The following SUMF1 variants were observed in gnomAD, a reference collection of about 807,000 sequenced individuals.
SUMF1 encodes the protein formylglycine-generating enzyme.
Under a neutral mutation model 47.6 loss-of-function variants are expected in SUMF1, and 48 were observed. That is an observed-to-expected ratio of 1.01 (90% CI 0.80 to 1.28). SUMF1 has a LOEUF of 1.28. Among genes scored for constraint, SUMF1 ranks in the 50% most tolerant of loss-of-function variants. The pLI is 0.00. For missense variants in SUMF1, 571 were observed against 485.4 expected, an observed-to-expected ratio of 1.18 and a Z score of -1.66; for synonymous variants, 230 against 192.1, an observed-to-expected ratio of 1.20 and a Z score of -1.63.
chr3:4,241,714 T>C (rs192403901), intron 8 of SUMF1, among the ~76,000 whole-genome samples: 39 of 152,240 alleles, frequency 2.6e-4, no homozygotes, highest in African/African-American at 8.2e-4. Flanking sequence ...ACCAAGGGAA[T>C]TGAGGAAACA....
At chr3:4,258,174 G>C (rs1158318298) in intron 8 of SUMF1, among the ~76,000 whole-genome samples, 2 of 149,712 alleles carry the variant, frequency 1.3e-5, no homozygotes, top group South Asian at 2.1e-4. Flanking sequence ...AGAAAACCTA[G>C]GCATTACCAT....
At chr3:4,221,889 G>A (rs1283693034) in intron 8 of SUMF1, among the ~76,000 whole-genome samples, 4 of 152,004 alleles carry the variant, frequency 2.6e-5, no homozygotes, top group South Asian at 2.1e-4. Context: ...AATAATTGCT[G>A]GGGGGTAGAA....
rs200461780 is a variant in SUMF1, at chr3:4,217,513, T to TATATATATA, written c.1015-148769_1015-148768insTATATATAT. Among the ~76,000 whole-genome samples, 3 of 72,646 alleles carry TATATATATA rather than the reference T, an allele frequency of 4.1e-5. 1 individual carries two copies. The highest frequency in any genetic ancestry group is 1.6e-4 in the African/African-American group (2 of 12,250). The allele number at this position is 72,646 out of a possible 152,430, so 47.7% of individuals were successfully genotyped here. On this transcript the variant is annotated intron_variant and NMD_transcript_variant, in intron 8 of 12. Coordinates refer to the SUMF1 transcript ENST00000448413. ...ATGTATCCCAGAACTTAAAGTATTTTTTATATATATATATATATATATATA... is the reference window on the plus strand; with the variant it reads ...ATGTATCCCAGAACTTAAAGTATTTTATATATATATTATATATATATATATATATATATA...
chr3:4,217,995 C>T (rs558394708), intron 8 of SUMF1, among the ~76,000 whole-genome samples: 1 of 152,114 alleles, frequency 6.6e-6, no homozygotes, highest in Non-Finnish European at 1.5e-5. Flanking sequence ...AGTTTAATAT[C>T]ATGTTATTCG....
intron 8 of SUMF1, among the ~76,000 whole-genome samples, chr3:4,110,027 T>C (rs1475231791): frequency 6.6e-6 from 1 of 152,166 alleles, no homozygotes; most frequent in Non-Finnish European, 1.5e-5. Context: ...CCAGTTTTTC[T>C]GCTCTGTTTT....
chr3:4,197,844 C>T (rs542860616), intron 8 of SUMF1, among the ~76,000 whole-genome samples: 17 of 152,252 alleles, frequency 1.1e-4, no homozygotes, highest in African/African-American at 2.9e-4. Flanking sequence ...CTGCCACTAT[C>T]GCTGCTTCAA....
At chr3:4,171,807 A>G (rs1395030950) in intron 8 of SUMF1, among the ~76,000 whole-genome samples, 1 of 152,186 alleles carries the variant, frequency 6.6e-6, no homozygotes, top group Non-Finnish European at 1.5e-5. Flanking sequence ...AAGAAAAAGC[A>G]CAAGCTAAGT....
At chr3:4,192,136 TC>T (rs772015875) in intron 8 of SUMF1, among the ~76,000 whole-genome samples, 7 of 152,208 alleles carry the variant, frequency 4.6e-5, no homozygotes, top group Non-Finnish European at 1.0e-4. Context: ...CACAGCTGTC[TC>T]CTGAAAGTGG....
chr3:4,376,261 C>T, intron 8 of SUMF1, 69 bp downstream of exon 8: 1 of 1,567,482 alleles, frequency 6.4e-7, no homozygotes, highest in Non-Finnish European at 8.8e-7. Flanking sequence ...TTGGGGCTAT[C>T]ATTTACAATG....
At chr3:4,427,911 C>A (rs895436431) in intron 3 of SUMF1, among the ~76,000 whole-genome samples, 1 of 151,944 alleles carries the variant, frequency 6.6e-6, no homozygotes, top group Non-Finnish European at 1.5e-5. Context: ...CAGTTAAGAT[C>A]TGCATAATTA....
chr3:4,211,266 T>C (rs1695788148), intron 8 of SUMF1, among the ~76,000 whole-genome samples: 1 of 139,820 alleles, frequency 7.2e-6, no homozygotes. Context: ...CTGACTAATA[T>C]ACCCAGGTAC....
Position 4,406,277 on chromosome 3 carries a change from T to C in SUMF1, c.954+4588A>G, listed in dbSNP as rs73809544. Among the ~76,000 whole-genome samples, 443 of 152,330 alleles carry C rather than the reference T, an allele frequency of 2.9e-3. 3 individuals carry two copies. The highest frequency in any genetic ancestry group is 0.01 in the African/African-American group (426 of 41,566). On this transcript the variant is annotated intron_variant, in intron 7 of 8. Transcript: ENST00000272902. ...AATTTGTAGACAAGGAAACTGAAGA[T>C]ATATTCTACATTTAGCAGTAGTCCT...
At chr3:4,392,055 C>T (rs1342025732) in intron 7 of SUMF1, among the ~76,000 whole-genome samples, 11 of 151,988 alleles carry the variant, frequency 7.2e-5, no homozygotes, top group Non-Finnish European at 1.6e-4. Context: ...CTCAAACTCC[C>T]AGGCTCAAGC....
chr3:4,079,596 C>G (rs145600266), intron 8 of SUMF1, among the ~76,000 whole-genome samples: 1 of 151,412 alleles, frequency 6.6e-6, no homozygotes, highest in Non-Finnish European at 1.5e-5. Flanking sequence ...TATCTAAGTT[C>G]TCTTGTTTGT....
At chr3:4,183,218 G>C (rs1390309726) in intron 8 of SUMF1, among the ~76,000 whole-genome samples, 1 of 152,086 alleles carries the variant, frequency 6.6e-6, no homozygotes, top group African/African-American at 2.4e-5. Flanking sequence ...ATAAAATTAA[G>C]AATGTTTAGT....
intron 8 of SUMF1, among the ~76,000 whole-genome samples, chr3:4,273,561 AAATGTTCC>A (rs1431464400): frequency 6.6e-6 from 1 of 152,052 alleles, no homozygotes; most frequent in Non-Finnish European, 1.5e-5. Flanking sequence ...GAGATCATAG[AAATGTTCC>A]AACATTGAAT....
At chr3:4,087,697 T>C (rs1250981441) in intron 8 of SUMF1, among the ~76,000 whole-genome samples, 1 of 151,952 alleles carries the variant, frequency 6.6e-6, no homozygotes, top group Non-Finnish European at 1.5e-5. Context: ...AAATATTATA[T>C]AATCAAATTG....
At chr3:4,340,481 T>A (rs771165279) in intron 8 of SUMF1, among the ~76,000 whole-genome samples, 2 of 152,148 alleles carry the variant, frequency 1.3e-5, no homozygotes, top group African/African-American at 4.8e-5. Flanking sequence ...CTGCATGGGA[T>A]AGGGTCACAT....
downstream of SUMF1, among the ~76,000 whole-genome samples, chr3:4,359,179 A>C (rs2125168919): frequency 6.6e-6 from 1 of 152,378 alleles, no homozygotes; most frequent in East Asian, 1.9e-4. Context: ...ATCCAACATT[A>C]TAAAGTGTAG....
Sources: allele counts gnomAD v4.1 joint callset (sites outside exome capture counted in the v4.1 genomes callset), GRCh38; gene constraint gnomAD v4.1.1; transcripts MANE v1.5; gene names NCBI Gene and HGNC (gene_info 2026-07-23, HGNC 2026-07-21).